The following ATP6V1C2 variants were observed in gnomAD, a reference collection of about 807,000 sequenced individuals.
The protein encoded by ATP6V1C2 is V-type proton ATPase subunit C 2.
ATP6V1C2 carries 45 observed loss-of-function variants against 56.8 expected under a neutral mutation model. That is an observed-to-expected ratio of 0.79 (90% CI 0.62 to 1.02). The LOEUF is 1.02. ATP6V1C2 is among the 50% of genes least tolerant of loss of function. The pLI, the probability that ATP6V1C2 is intolerant of heterozygous loss-of-function variation, is 0.00. For missense variants in ATP6V1C2, 463 were observed against 519.7 expected, an observed-to-expected ratio of 0.89 and a Z score of 1.06; for synonymous variants, 220 against 201.3, an observed-to-expected ratio of 1.09 and a Z score of -0.79.
rs755371666 is a variant in ATP6V1C2, at chr2:10,777,764, C to T, written c.963+42C>T. On this transcript the variant is annotated intron_variant, in intron 11 of 13. Transcript: ENST00000272238. Reference sequence around the variant, plus strand: ...GAACCCCGGGGTCCCTGGCTCACATCTCCTCGCCAGCTCAGGCGCCTTCTG... The same window carrying T: ...GAACCCCGGGGTCCCTGGCTCACATTTCCTCGCCAGCTCAGGCGCCTTCTG... 3.8e-6 allele frequency: 6 copies of T among 1,573,932 alleles called. No individual in the cohort carries two copies. The East Asian group carries it at 1.3e-4, about 35-fold the overall frequency.
chr2:10,771,812 A>G lies in ATP6V1C2; in HGVS notation c.471-27A>G, dbSNP rs756490093. On this transcript the variant is annotated intron_variant, in intron 6 of 13. Coordinates refer to ENST00000272238, the MANE Select transcript of ATP6V1C2 (RefSeq NM_001039362.2). ...GTGTCCCTTTCTGCTCACATCTTTC[A>G]CACCCTTTGTTCCACCTGCCTTTTA... The G allele has an allele frequency of 2.5e-6, 4 of 1,580,348 alleles. No homozygotes were observed. The African/African-American group carries it at 5.4e-5, about 21-fold the overall frequency.
chr2:10,755,845 G>A (rs879696455), intron 4 of ATP6V1C2, among the ~76,000 whole-genome samples: 2 of 152,208 alleles, frequency 1.3e-5, no homozygotes, highest in Admixed American at 6.5e-5. Flanking sequence ...CTGCAGTGCA[G>A]TCACGTTGGG....
chr2:10,780,432 A>C lies in ATP6V1C2; in HGVS notation c.1061+1763A>C, dbSNP rs957550766. On this transcript the variant is annotated intron_variant, in intron 12 of 13. Coordinates refer to ENST00000272238, the MANE Select transcript of ATP6V1C2 (RefSeq NM_001039362.2). This position sits in a 1 kb window ranked among gnomAD's most constrained non-coding sequence, Gnocchi z 4.1. ...GTCAGTGTGTGGTCTGCCCAGATAC[A>C]GATCTGACCTTGGTTCCTGGTTCTT... 6.6e-6 allele frequency among the ~76,000 whole-genome samples: 1 copy of C among 152,152 alleles called. No homozygotes were observed. The highest frequency in any genetic ancestry group is 2.4e-5 in the African/African-American group (1 of 41,450).
intron 2 of ATP6V1C2, among the ~76,000 whole-genome samples, chr2:10,723,837 C>CAAA (rs145669254): frequency 5.7e-5 from 7 of 122,950 alleles, no homozygotes; most frequent in South Asian, 2.4e-4. Context: ...GACTCTGTCT[C>CAAA]AAAAAAAAAA....
chr2:10,783,215 C>T lies in ATP6V1C2; in HGVS notation c.1236C>T (p.Asp412=), dbSNP rs1471376903. ...EIPGLQLNNQ[D]YFPYVYFHID... The stretch of plus-strand genomic sequence containing the variant: ...CGGGACTGCAACTCAATAACCAAGA[C>T]TATTTTCCTTATGTCTACTTCCATA... Residue 412 remains aspartate, a synonymous_variant, in exon 14 of 14, where the codon GAC becomes GAT. Transcript: ENST00000272238. The T allele has an allele frequency of 6.2e-7, 1 of 1,613,982 alleles. No individual in the cohort carries two copies. Among genetic ancestry groups the T allele is most frequent in the Non-Finnish European group, 8.5e-7 (1 of 1,179,856 alleles).
chr2:10,768,325 C>T, intron 5 of ATP6V1C2: 1 of 200,630 alleles, frequency 5.0e-6, no homozygotes, highest in Non-Finnish European at 1.0e-5. Flanking sequence ...GGGAGATCGG[C>T]ACAGCCGAGC....
chr2:10,737,022 T>A (rs929447303), intron 3 of ATP6V1C2, among the ~76,000 whole-genome samples: 3 of 152,140 alleles, frequency 2.0e-5, no homozygotes, highest in African/African-American at 4.8e-5. Context: ...GTGCTGGGTT[T>A]ATAGGCATGA....
intron 2 of ATP6V1C2, among the ~76,000 whole-genome samples, chr2:10,724,297 T>C (rs1447873434): frequency 6.6e-6 from 1 of 152,196 alleles, no homozygotes. Flanking sequence ...GTTGTAATGC[T>C]ACCCCATTTG....
chr2:10,762,451 A>C (rs769089785), intron 4 of ATP6V1C2, among the ~76,000 whole-genome samples: 15 of 152,016 alleles, frequency 9.9e-5, no homozygotes, highest in Non-Finnish European at 2.1e-4. Context: ...GCAAAGCATA[A>C]ATTAAATGGA....
intron 8 of ATP6V1C2, among the ~76,000 whole-genome samples, chr2:10,773,000 G>T (rs1664727531): frequency 6.6e-6 from 1 of 152,258 alleles, no homozygotes. Context: ...AGCCGGGAGG[G>T]AAAGCGGCCT....
Position 10,785,011 on chromosome 2 carries a change from C to T in ATP6V1C2, c.*1748C>T, listed in dbSNP as rs1458717521. 1 of 1,581,710 alleles carries T rather than the reference C, an allele frequency of 6.3e-7. No homozygotes were observed. The highest frequency in any genetic ancestry group is 2.3e-5 in the East Asian group (1 of 43,532). On this transcript the variant is annotated 3_prime_UTR_variant, in exon 14 of 14. Transcript: ENST00000272238. Reference sequence around the variant, plus strand: ...CCGCCTCCTACAGGTGCCGTGGAGCCACGCCCAAAAGAGAGCTCCCTTAGG... The same window carrying T: ...CCGCCTCCTACAGGTGCCGTGGAGCTACGCCCAAAAGAGAGCTCCCTTAGG...
At chr2:10,777,544 A>G in intron 10 of ATP6V1C2, 41 bp from the exon 11 acceptor site, 1 of 1,597,316 alleles carries the variant, frequency 6.3e-7, no homozygotes, top group Non-Finnish European at 8.5e-7. Flanking sequence ...TTTGTGATGC[A>G]TGTTTGCTGA....
In ATP6V1C2 at chr2:10,782,109, T is replaced by C. The variant is rs561540736; in HGVS notation, c.1062-134T>C. 3.8e-6 allele frequency: 4 copies of C among 1,051,972 alleles called. No individual in the cohort carries two copies. In the Admixed American group the frequency reaches 9.5e-5, roughly 25 times the overall value. The allele number at this position is 1,051,972 out of a possible 1,614,324, so 65.2% of individuals were successfully genotyped here. ...AGATCACCGCTGACCCTAGGCATTT[T>C]GCTCGAGTTTGACTTTATGAAGCTG... On this transcript the variant is annotated intron_variant, in intron 12 of 13. Coordinates refer to ENST00000272238, the MANE Select transcript of ATP6V1C2 (RefSeq NM_001039362.2).
Position 10,784,835 on chromosome 2 carries a change from G to C in ATP6V1C2, c.*1572G>C. 2.3e-6 allele frequency: 2 copies of C among 853,390 alleles called. No homozygotes were observed. Among genetic ancestry groups the C allele is most frequent in the South Asian group, 1.5e-5 (1 of 66,298 alleles). The allele number at this position is 853,390 out of a possible 1,614,324, so 52.9% of individuals were successfully genotyped here. On this transcript the variant is annotated 3_prime_UTR_variant, in exon 14 of 14. Coordinates refer to ENST00000272238, the MANE Select transcript of ATP6V1C2 (RefSeq NM_001039362.2). Reference sequence around the variant, plus strand: ...AGGCCCACGGGTGCACCAGGGCTGAGGTCTGATGGGAAGGACTTGACTCCA... The same window carrying C: ...AGGCCCACGGGTGCACCAGGGCTGACGTCTGATGGGAAGGACTTGACTCCA...
chr2:10,770,125 A>G (rs1219670104), intron 6 of ATP6V1C2: 1 of 151,794 alleles, frequency 6.6e-6, no homozygotes, highest in Non-Finnish European at 1.5e-5. Context: ...TAGGCCAGGC[A>G]TGGTGGCTCA....
intron 6 of ATP6V1C2, among the ~76,000 whole-genome samples, chr2:10,770,248 A>C (rs1375568030): frequency 6.6e-6 from 1 of 151,996 alleles, no homozygotes; most frequent in African/African-American, 2.4e-5. Flanking sequence ...AAAATACAAA[A>C]TTAGCCGTGC....
chr2:10,760,429 C>A (rs1197465077), intron 4 of ATP6V1C2, among the ~76,000 whole-genome samples: 1 of 151,920 alleles, frequency 6.6e-6, no homozygotes, highest in Non-Finnish European at 1.5e-5. Flanking sequence ...AACATTCTTT[C>A]CAAAGGCAGG....
chr2:10,766,374 A>T (rs1664221273), intron 5 of ATP6V1C2, among the ~76,000 whole-genome samples: 1 of 152,152 alleles, frequency 6.6e-6, no homozygotes, highest in African/African-American at 2.4e-5. Flanking sequence ...ATCTCACAAT[A>T]ATTCCAGGCC....
Position 10,728,993 on chromosome 2 carries a change from G to A in ATP6V1C2, c.197+2424G>A, listed in dbSNP as rs536355985. Among the ~76,000 whole-genome samples the A allele has an allele frequency of 1.1e-3, 166 of 150,284 alleles. 1 individual carries two copies. The highest frequency in any genetic ancestry group is 3.8e-3 in the African/African-American group (156 of 41,184). On this transcript the variant is annotated intron_variant, in intron 3 of 13. Transcript: ENST00000272238. ...AAAAAAAAAAAAAATAGTTGGGTGC[G>A]GTGGCTGGCGCCTGTAATCCCAGCT... is the stretch of plus-strand genomic sequence containing the variant.
Sources: gnomAD v4.1 joint callset for allele counts (sites outside exome capture counted in the v4.1 genomes callset) on GRCh38, gnomAD v4.1.1 for gene constraint, Gnocchi (gnomAD v3.1) non-coding constraint, MANE v1.5 for transcripts, NCBI Gene and HGNC (gene_info 2026-07-23, HGNC 2026-07-21) for gene names.